Variants in LRRC4C observed in about 807,000 individuals in gnomAD.
LRRC4C encodes leucine rich repeat containing 4C.
A neutral mutation model predicts 33.6 loss-of-function variants in LRRC4C; 5 were observed. That is an observed-to-expected ratio of 0.15 (90% confidence interval 0.08 to 0.31). The LOEUF (loss-of-function observed/expected upper bound fraction) is 0.31. Among genes scored for constraint, LRRC4C ranks in the 10% least tolerant of loss-of-function variants. LRRC4C has a pLI of 1.00. For synonymous variants in LRRC4C, 329 were observed against 302.0 expected, an observed-to-expected ratio of 1.09 and a Z score of -0.93; for missense variants, 560 against 796.7, an observed-to-expected ratio of 0.70 and a Z score of 3.58.
rs564576602 is a variant in LRRC4C at position 41,381,717 on chromosome 11, A to T, written c.-496+77714T>A. Among the ~76,000 whole-genome samples, 10 of 151,900 alleles carry T rather than the reference A, an allele frequency of 6.6e-5. No homozygotes were observed. The East Asian group carries it at 1.9e-3, about 29-fold the overall frequency. ...TATATTTTTTAAAGTTTCAAGTAGA[A>T]TTTTTGGAAATAAGAAAAACTGAAA... On this transcript the variant is annotated intron_variant, in intron 1 of 6. Coordinates refer to ENST00000528697, the MANE Select transcript of LRRC4C (RefSeq NM_001258419.2).
chr11:40,311,320 G>A (rs1945293421), intron 4 of LRRC4C, among the ~76,000 whole-genome samples: 1 of 152,154 alleles, frequency 6.6e-6, no homozygotes, highest in African/African-American at 2.4e-5. Context: ...CTCAGGGCCT[G>A]TCTTTGTTTC....
At chr11:40,499,920 G>A (rs1318035917) in intron 3 of LRRC4C, among the ~76,000 whole-genome samples, 1 of 151,984 alleles carries the variant, frequency 6.6e-6, no homozygotes, top group Non-Finnish European at 1.5e-5. Context: ...CCTAGGCCAG[G>A]GACAAAAGGT....
intron 1 of LRRC4C, among the ~76,000 whole-genome samples, chr11:41,111,373 GC>G (rs1446827994): frequency 6.6e-6 from 1 of 151,994 alleles, no homozygotes; most frequent in African/African-American, 2.4e-5. Context: ...AGTGTTCCTA[GC>G]CCAGGGACAG....
chr11:40,209,245 GT>G (rs1863398971), intron 5 of LRRC4C, among the ~76,000 whole-genome samples: 1 of 152,160 alleles, frequency 6.6e-6, no homozygotes, highest in Admixed American at 6.5e-5. Flanking sequence ...TGTTTCTACT[GT>G]CCATCATAAA....
chr11:41,449,001 T>C (rs764651311), intron 1 of LRRC4C, among the ~76,000 whole-genome samples: 31 of 152,242 alleles, frequency 2.0e-4, no homozygotes, highest in Non-Finnish European at 4.1e-4. Context: ...TTGTCAAATA[T>C]ATAACCAGAG....
At chr11:40,415,018 G>A (rs1356808900) in intron 3 of LRRC4C, among the ~76,000 whole-genome samples, 1 of 152,122 alleles carries the variant, frequency 6.6e-6, no homozygotes, top group Non-Finnish European at 1.5e-5. Flanking sequence ...CTCTGTTTAT[G>A]AAGATTTTAA....
rs573945823 is a variant in LRRC4C, at chr11:40,774,875, G to C, written c.-406-126597C>G. Among the ~76,000 whole-genome samples, 17 of 152,098 alleles carry C rather than the reference G, an allele frequency of 1.1e-4. No homozygotes were observed. In the South Asian group the frequency reaches 3.5e-3, roughly 32 times the overall value. ...GTCCATATTCTTCTACTTCTCAACTGCTGGGAATTTAGACCAAAGCATCAA... is the reference window on the plus strand; with the variant it reads ...GTCCATATTCTTCTACTTCTCAACTCCTGGGAATTTAGACCAAAGCATCAA... On this transcript the variant is annotated intron_variant, in intron 2 of 6. Transcript: ENST00000528697.
intron 1 of LRRC4C, among the ~76,000 whole-genome samples, chr11:41,160,449 T>C (rs139984279): frequency 2.8e-4 from 43 of 151,912 alleles, no homozygotes; most frequent in Admixed American, 1.8e-3. Flanking sequence ...ATTTTACCAC[T>C]AGAAATTTTT....
intron 2 of LRRC4C, among the ~76,000 whole-genome samples, chr11:40,724,696 G>A (rs1253404312): frequency 6.7e-6 from 1 of 149,964 alleles, no homozygotes; most frequent in Admixed American, 6.7e-5. Flanking sequence ...CACACCTAAA[G>A]GTACTAGAGA....
chr11:40,705,070 C>T (rs1192112586), intron 2 of LRRC4C, among the ~76,000 whole-genome samples: 1 of 152,080 alleles, frequency 6.6e-6, no homozygotes, highest in Non-Finnish European at 1.5e-5. Flanking sequence ...ATTTAATCCT[C>T]ATTACAATCC....
intron 1 of LRRC4C, among the ~76,000 whole-genome samples, chr11:40,992,371 CTT>C (rs1466172327): frequency 4.6e-5 from 7 of 150,992 alleles, no homozygotes; most frequent in South Asian, 4.2e-4. Flanking sequence ...AAATTAATAA[CTT>C]TTTAAATTTC....
chr11:40,695,410 G>C (rs1945447674), intron 2 of LRRC4C, among the ~76,000 whole-genome samples: 1 of 152,122 alleles, frequency 6.6e-6, no homozygotes, highest in African/African-American at 2.4e-5. Flanking sequence ...TTGCTAATAT[G>C]TCACTAGCAC....
chr11:40,412,778 C>A (rs993925797), intron 3 of LRRC4C, among the ~76,000 whole-genome samples: 1 of 152,030 alleles, frequency 6.6e-6, no homozygotes, highest in Non-Finnish European at 1.5e-5. Context: ...GATTCTGGGG[C>A]AGTCCCTGCA....
rs1360140892 is a variant in LRRC4C, at chr11:41,174,434, T to C, written c.-495-240711A>G. On this transcript the variant is annotated intron_variant, in intron 1 of 6. Coordinates refer to ENST00000528697, the MANE Select transcript of LRRC4C (RefSeq NM_001258419.2). Reference sequence around the variant, plus strand: ...GTCTTCTGTACATGCAGAATGAATATATAATTTATATTATAACTGATTCAG... The same window carrying C: ...GTCTTCTGTACATGCAGAATGAATACATAATTTATATTATAACTGATTCAG... Among the ~76,000 whole-genome samples the C allele has an allele frequency of 2.6e-5, 4 of 152,272 alleles. No homozygotes were observed. In the East Asian group the frequency reaches 5.8e-4, roughly 22 times the overall value.
chr11:40,879,564 A>G (rs150525528), intron 2 of LRRC4C, among the ~76,000 whole-genome samples: 1 of 152,286 alleles, frequency 6.6e-6, no homozygotes, highest in East Asian at 1.9e-4. Context: ...GGAGACCTAC[A>G]AACAAGTACG....
intron 4 of LRRC4C, among the ~76,000 whole-genome samples, chr11:40,282,894 C>T (rs1366185596): frequency 2.0e-5 from 3 of 152,212 alleles, no homozygotes; most frequent in Non-Finnish European, 4.4e-5. Flanking sequence ...ACGATTGCAG[C>T]TCATGATTTT....
At chr11:41,281,297 G>T (rs557136021) in intron 1 of LRRC4C, among the ~76,000 whole-genome samples, 6 of 151,972 alleles carry the variant, frequency 3.9e-5, no homozygotes, top group Admixed American at 3.3e-4. Flanking sequence ...ATTTCTGCCC[G>T]CATCACACTC....
At chr11:41,002,978 G>A (rs1240340443) in intron 1 of LRRC4C, among the ~76,000 whole-genome samples, 2 of 151,960 alleles carry the variant, frequency 1.3e-5, no homozygotes, top group African/African-American at 2.4e-5. Flanking sequence ...TTATACATGT[G>A]TAATATTTAT....
At chr11:40,526,892 C>T (rs1036332860) in intron 3 of LRRC4C, among the ~76,000 whole-genome samples, 2 of 151,932 alleles carry the variant, frequency 1.3e-5, no homozygotes, top group Non-Finnish European at 2.9e-5. Context: ...CTTGTTGGTG[C>T]AAGAATAAAC....
Sources: allele counts gnomAD v4.1 joint callset (sites outside exome capture counted in the v4.1 genomes callset), GRCh38; gene constraint gnomAD v4.1.1; transcripts MANE v1.5; gene names NCBI Gene and HGNC (gene_info 2026-07-23, HGNC 2026-07-21).